The following OTOGL variants were observed in gnomAD, a reference collection of about 807,000 sequenced individuals.
OTOGL encodes otogelin like, also known as otogelin-like protein.
Under a neutral mutation model 318.5 loss-of-function variants are expected in OTOGL, and 285 were observed. The ratio of observed to expected loss-of-function variants is 0.89; its 90% CI spans 0.81 to 0.99. The LOEUF (loss-of-function observed/expected upper bound fraction) is 0.99. Ranked by LOEUF, OTOGL falls within the 50% of genes least tolerant of loss-of-function variation. The probability of loss-of-function intolerance (pLI) is 0.00; values close to 1 mark genes in which losing one functional copy is unlikely to be tolerated. For synonymous variants in OTOGL, 987 were observed against 936.5 expected (o/e 1.05, Z -0.99); for missense variants, 2,899 against 2,845.6 (o/e 1.02, Z -0.43).
At chr12:80,162,929 T>C (rs957573727) in intron 1 of OTOGL, among the ~76,000 whole-genome samples, 1 of 151,978 alleles carries the variant, frequency 6.6e-6, no homozygotes, top group Non-Finnish European at 1.5e-5. Context: ...TCCTGGATGA[T>C]AGGCTGACAC....
rs530891214 is a variant in OTOGL, at chr12:80,210,930, A to G, written c.119+44A>G. On this transcript the variant is annotated intron_variant, in intron 3 of 58. Coordinates refer to ENST00000547103, the MANE Select transcript of OTOGL (RefSeq NM_001378609.3). ...TCGTGTCCTCTAAAACATAAAGTTA[A>G]TGGGAATGAGCAAACCTCAGCAGGC... 1.9e-3 allele frequency: 2,558 copies of G among 1,359,704 alleles called. 33 individuals carry two copies. The Middle Eastern group carries it at 0.019, about 10-fold the overall frequency. 84.2% of individuals were successfully genotyped at this position (1,359,704 alleles called of 1,614,324 possible).
In OTOGL at chr12:80,278,378, C is replaced by T. The variant is rs1239342214; in HGVS notation, c.2789+103C>T. ...AGACTGACATCAGCAAAAAGTAAAT[C>T]AAGCCTCAGCAAATAATTTAAAGGC... is the stretch of plus-strand genomic sequence containing the variant. On this transcript the variant is annotated intron_variant, in intron 25 of 58. Transcript: ENST00000547103. The T allele has an allele frequency of 9.9e-6, 9 of 908,364 alleles. No individual in the cohort carries two copies. In the East Asian group the frequency reaches 2.1e-4, roughly 21 times the overall value. 56.3% of individuals were successfully genotyped at this position (908,364 alleles called of 1,614,324 possible).
In OTOGL at chr12:80,336,865, T is replaced by C. The variant is rs929488768; in HGVS notation, c.4767+45T>C. On this transcript the variant is annotated intron_variant, in intron 41 of 58. Transcript: ENST00000547103. ...TTAGTACATTCATTCTGTTTATCACTACAATTGTGTTTAACTCCGTAAAGT... is the reference window on the plus strand; with the variant it reads ...TTAGTACATTCATTCTGTTTATCACCACAATTGTGTTTAACTCCGTAAAGT... 5 of 1,538,262 alleles carry C rather than the reference T, an allele frequency of 3.3e-6. No individual in the cohort carries two copies. The African/African-American group carries it at 6.9e-5, about 21-fold the overall frequency.
Position 80,378,208 on chromosome 12 carries a change from GTTT to G in OTOGL, c.*161_*163del. The G allele has an allele frequency of 1.8e-6, 1 of 545,762 alleles. No homozygotes were observed. The highest frequency in any genetic ancestry group is 3.2e-6 in the Non-Finnish European group (1 of 316,100). 33.8% of individuals were successfully genotyped at this position (545,762 alleles called of 1,614,324 possible). On this transcript the variant is annotated 3_prime_UTR_variant, in exon 59 of 59. Transcript: ENST00000547103. ...TAGCAATTTGTACAAAATATATACA[GTTT>G]CAATAGCAAAATTAAATTTATTGCT...
intron 5 of OTOGL, among the ~76,000 whole-genome samples, chr12:80,218,203 C>A (rs1286342316): frequency 6.6e-6 from 1 of 152,086 alleles, no homozygotes; most frequent in Non-Finnish European, 1.5e-5. Context: ...GACTGTTGAT[C>A]TAAGATAAAG....
chr12:80,179,891 G>A (rs960193512), intron 1 of OTOGL, among the ~76,000 whole-genome samples: 3 of 152,164 alleles, frequency 2.0e-5, no homozygotes, highest in African/African-American at 7.2e-5. Context: ...GTTCTCAAGG[G>A]GACCCATAGG....
Position 80,232,896 on chromosome 12 carries a change from A to G in OTOGL, c.616A>G (p.Thr206Ala). ...HEIKKNGISLTLPQTIGQIFI... is the reference protein window; with the variant it reads ...HEIKKNGISLALPQTIGQIFI... Reference sequence around the variant, plus strand: ...GCTTTTGTTCTGTTTTTCAAGTTTAACATTGCCTCAGACAATTGGACAGAT... The same window carrying G: ...GCTTTTGTTCTGTTTTTCAAGTTTAGCATTGCCTCAGACAATTGGACAGAT... Residue 206 changes from threonine to alanine, a missense_variant, in exon 9 of 59, where the codon ACA becomes GCA. By Grantham distance (58) the Thr-to-Ala change is moderately conservative. Around this residue, in one of 3 missense-constraint regions of OTOGL, gnomAD observed 2,607 missense variants for 2,524.9 expected, o/e 1.03. Transcript: ENST00000547103. The G allele has an allele frequency of 6.3e-7, 1 of 1,596,122 alleles. No individual in the cohort carries two copies. Among genetic ancestry groups the G allele is most frequent in the Non-Finnish European group, 8.5e-7 (1 of 1,176,976 alleles).
chr12:80,244,572 G>A (rs1880695548), intron 11 of OTOGL, among the ~76,000 whole-genome samples: 1 of 148,152 alleles, frequency 6.7e-6, no homozygotes, highest in Non-Finnish European at 1.5e-5. Flanking sequence ...GTCTATCATT[G>A]TTGGACATTT....
chr12:80,193,419 G>A (rs890833396), intron 1 of OTOGL, among the ~76,000 whole-genome samples: 1 of 152,042 alleles, frequency 6.6e-6, no homozygotes, highest in Non-Finnish European at 1.5e-5. Context: ...GGGAGGCTGA[G>A]GCAAGAGAAT....
At position 80,265,065 on chromosome 12, in the gene OTOGL, T is replaced by C; in HGVS notation, c.2079T>C (p.Ile693=). The C allele has an allele frequency of 6.2e-7, 1 of 1,613,932 alleles. No individual in the cohort carries two copies. The highest frequency in any genetic ancestry group is 8.5e-7 in the Non-Finnish European group (1 of 1,179,868). ...TCTTTGCTCCTTGCCACATCTATAT[T>C]AGCCCTGGGCTGTACTATCAGCTAT... The part of the protein sequence containing the change: ...QELFAPCHIY[I]SPGLYYQLCR... Residue 693 remains isoleucine, a synonymous_variant, in exon 20 of 59, where the codon ATT becomes ATC. Coordinates refer to ENST00000547103, the MANE Select transcript of OTOGL (RefSeq NM_001378609.3).
chr12:80,278,991 T>TGTGG, intron 25 of OTOGL, 37 bp from the exon 26 acceptor site: 13 of 1,562,514 alleles, frequency 8.3e-6, no homozygotes, highest in Admixed American at 3.4e-5. Context: ...GTTAGAGTCG[T>TGTGG]TTCTTTAGAA....
intron 26 of OTOGL, among the ~76,000 whole-genome samples, chr12:80,289,990 G>A (rs1480678337): frequency 6.6e-6 from 1 of 152,138 alleles, no homozygotes; most frequent in Non-Finnish European, 1.5e-5. Context: ...CCAAACAGCT[G>A]CCCAGTTTTG....
intron 1 of OTOGL, among the ~76,000 whole-genome samples, chr12:80,147,812 G>A (rs1180108264): frequency 6.6e-6 from 1 of 152,082 alleles, no homozygotes; most frequent in Non-Finnish European, 1.5e-5. Flanking sequence ...TTATATAATG[G>A]CCTTGTTTGT....
chr12:80,135,663 G>A (rs569100830), intron 1 of OTOGL, among the ~76,000 whole-genome samples: 1 of 152,170 alleles, frequency 6.6e-6, no homozygotes, highest in Non-Finnish European at 1.5e-5. Context: ...TTCAATATCT[G>A]TAATGGTTAA....
rs557493510 is a variant in OTOGL at position 80,166,553 on chromosome 12, C to T, written c.-19-42860C>T. ...TCTCTTTCAAAAGATTTGATAAATACCTAACTTCTGAAAGCCCCAAAGAAG... is the reference window on the plus strand; with the variant it reads ...TCTCTTTCAAAAGATTTGATAAATATCTAACTTCTGAAAGCCCCAAAGAAG... On this transcript the variant is annotated intron_variant, in intron 1 of 58. Transcript: ENST00000547103. Among the ~76,000 whole-genome samples the T allele has an allele frequency of 8.3e-4, 127 of 152,138 alleles. 1 individual carries two copies. The highest frequency in any genetic ancestry group is 2.9e-3 in the African/African-American group (121 of 41,526).
chr12:80,337,408 T>C (rs1888485453), intron 42 of OTOGL, among the ~76,000 whole-genome samples: 2 of 151,966 alleles, frequency 1.3e-5, no homozygotes, highest in Non-Finnish European at 2.9e-5. Context: ...GAAGAACAGA[T>C]AGAAGGAGTG....
At chr12:80,219,995 C>A in intron 6 of OTOGL, 83 bp downstream of exon 6, 1 of 994,068 alleles carries the variant, frequency 1.0e-6, no homozygotes, top group Non-Finnish European at 1.5e-6. Flanking sequence ...AATGTTCATC[C>A]ATTGGGAGTT....
chr12:80,318,780 TATTA>T lies in OTOGL; in HGVS notation c.3802+71_3802+74del, dbSNP rs1177931554. 6 of 1,081,466 alleles carry T rather than the reference TATTA, an allele frequency of 5.5e-6. No individual in the cohort carries two copies. In the African/African-American group the frequency reaches 9.8e-5, roughly 18 times the overall value. The allele number at this position is 1,081,466 out of a possible 1,614,324, so 67.0% of individuals were successfully genotyped here. A position where few individuals can be genotyped will look rare whatever the true frequency, so the allele number is the denominator to read the frequency against. Reference sequence around the variant, plus strand: ...TTTTAAAATTTAGCCACTCAGTAAATATTAATTGAGAATCTAATATGTTTATGGT... The same window carrying T: ...TTTTAAAATTTAGCCACTCAGTAAATATTGAGAATCTAATATGTTTATGGT... On this transcript the variant is annotated intron_variant, in intron 33 of 58. Transcript: ENST00000547103.
chr12:80,151,507 TAAATA>T (rs772645976), intron 1 of OTOGL, among the ~76,000 whole-genome samples: 22 of 152,100 alleles, frequency 1.4e-4, no homozygotes, highest in Non-Finnish European at 2.2e-4. Flanking sequence ...CTAAAAAAAA[TAAATA>T]AAATAAAATA....
Sources: allele counts gnomAD v4.1 joint callset (sites outside exome capture counted in the v4.1 genomes callset), GRCh38; gene constraint gnomAD v4.1.1; regional missense constraint gnomAD v4.1.1; transcripts MANE v1.5; gene names NCBI Gene and HGNC (gene_info 2026-07-23, HGNC 2026-07-21).